Variants in OPA1 observed in about 807,000 individuals in gnomAD.
OPA1 encodes the protein dynamin-like GTPase OPA1, mitochondrial.
Under a neutral mutation model 152.9 loss-of-function variants are expected in OPA1, and 59 were observed. The ratio of observed to expected loss-of-function variants is 0.39; its 90% CI spans 0.31 to 0.48. The LOEUF is 0.48. Ranked by LOEUF, OPA1 falls within the 20% of genes least tolerant of loss-of-function variation. OPA1 has a pLI of 0.96. For synonymous variants in OPA1, 400 were observed against 389.9 expected (o/e 1.03, Z -0.31); for missense variants, 1,008 against 1,216.8 (o/e 0.83, Z 2.55).
chr3:193,626,958 G>A (rs1464600809), intron 7 of OPA1, among the ~76,000 whole-genome samples: 3 of 152,084 alleles, frequency 2.0e-5, no homozygotes, highest in Non-Finnish European at 4.4e-5. Context: ...GTTCATGTTT[G>A]GAAGAGACTT....
At chr3:193,667,399 G>A (rs115528092) in intron 29 of OPA1, 119 bp downstream of exon 29, 18,349 of 720,926 alleles carry the variant, frequency 0.025, 310 homozygotes, top group Non-Finnish European at 0.029. Flanking sequence ...GGCTGAGCAC[G>A]GTGGCTCACG....
At position 193,695,179 on chromosome 3, in the gene OPA1, A is replaced by T. The variant is rs1722147814; in HGVS notation, c.*579A>T. The T allele has an allele frequency of 1.3e-5, 2 of 152,308 alleles. No individual in the cohort carries two copies. Among genetic ancestry groups the T allele is most frequent in the East Asian group, 3.9e-4 (2 of 5,184 alleles). 9.4% of individuals were successfully genotyped at this position (152,308 alleles called of 1,614,324 possible). ...GAACCCTTAAAACAGGTTAATTTGG[A>T]TTGTAACGTTCAGTGAAAGAAATTT... is the stretch of plus-strand genomic sequence containing the variant. On this transcript the variant is annotated 3_prime_UTR_variant, in exon 31 of 31. Coordinates refer to ENST00000361510, the MANE Select transcript of OPA1 (RefSeq NM_130837.3).
chr3:193,636,576 A>G (rs1732985457), intron 9 of OPA1, among the ~76,000 whole-genome samples: 2 of 151,652 alleles, frequency 1.3e-5, no homozygotes, highest in South Asian at 4.2e-4. Context: ...CATTCATCAA[A>G]TTTACATGAA....
At chr3:193,608,816 CATT>C (rs1727698627) in intron 1 of OPA1, among the ~76,000 whole-genome samples, 1 of 151,948 alleles carries the variant, frequency 6.6e-6, no homozygotes, top group Non-Finnish European at 1.5e-5. Context: ...TAAAGTCTCC[CATT>C]ATTGTTGTGT....
chr3:193,642,240 C>G (rs937794852), intron 11 of OPA1, among the ~76,000 whole-genome samples: 2 of 152,306 alleles, frequency 1.3e-5, no homozygotes, highest in African/African-American at 2.4e-5. Context: ...TTTTGTCACT[C>G]TCTTCTATTA....
At chr3:193,625,928 A>G in intron 6 of OPA1, 164 bp from the exon 7 acceptor site, 1 of 626,960 alleles carries the variant, frequency 1.6e-6, no homozygotes, top group Non-Finnish European at 2.9e-6. Context: ...GGAAAATGGA[A>G]ATGCGGTACA....
intron 1 of OPA1, among the ~76,000 whole-genome samples, chr3:193,604,390 A>T (rs1726906105): frequency 6.6e-6 from 1 of 152,198 alleles, no homozygotes; most frequent in East Asian, 1.9e-4. Flanking sequence ...ACAGTGGTGA[A>T]GCTATTAAGG....
chr3:193,674,937 A>G (rs1366438409), intron 29 of OPA1, among the ~76,000 whole-genome samples: 1 of 152,224 alleles, frequency 6.6e-6, no homozygotes, highest in Non-Finnish European at 1.5e-5. Context: ...AAAGCTACAC[A>G]GGTGATTCTT....
chr3:193,604,884 A>G (rs1387125831), intron 1 of OPA1, among the ~76,000 whole-genome samples: 1 of 151,836 alleles, frequency 6.6e-6, no homozygotes, highest in Non-Finnish European at 1.5e-5. Context: ...AAGAAAAAAG[A>G]AAAGAAAAAA....
chr3:193,614,767 G>A lies in OPA1; in HGVS notation c.77G>A (p.Gly26Glu), dbSNP rs1473275837. 1 of 1,614,068 alleles carries A rather than the reference G, an allele frequency of 6.2e-7. No homozygotes were observed. The change falls in exon 2 of 31, where the codon GGA becomes GAA. Residue 26 changes from glycine to glutamate, a missense_variant. Coordinates refer to ENST00000361510, the MANE Select transcript of OPA1 (RefSeq NM_130837.3). ...SLVKHSSGIK[G>E]SLPLQKLHLV... ...GTGAAACACAGCTCTGGAATAAAAG[G>A]AAGTTTACCACTACAAAAACTACAT...
At chr3:193,606,556 G>A (rs1456735348) in intron 1 of OPA1, among the ~76,000 whole-genome samples, 1 of 152,038 alleles carries the variant, frequency 6.6e-6, no homozygotes, top group Non-Finnish European at 1.5e-5. Context: ...TGAGAATGAT[G>A]GTTTCCAGCT....
chr3:193,683,679 C>T (rs561204423), intron 29 of OPA1, among the ~76,000 whole-genome samples: 37 of 152,326 alleles, frequency 2.4e-4, no homozygotes, highest in African/African-American at 6.5e-4. Context: ...GGGCCAGACC[C>T]TCCACCAGCA....
chr3:193,648,037 G>A (rs1370949434), intron 19 of OPA1, 33 bp from the exon 20 acceptor site: 4 of 1,490,564 alleles, frequency 2.7e-6, no homozygotes, highest in Non-Finnish European at 3.7e-6. Context: ...AAGAAGGAGG[G>A]TCATCAAACT....
intron 6 of OPA1, among the ~76,000 whole-genome samples, chr3:193,624,884 T>A (rs547451670): frequency 6.8e-6 from 1 of 147,862 alleles, no homozygotes; most frequent in Admixed American, 6.6e-5. Context: ...TGGGCAGTCA[T>A]TTTTTAACTC....
At chr3:193,671,296 G>GA (rs1717863225) in intron 29 of OPA1, among the ~76,000 whole-genome samples, 2 of 152,252 alleles carry the variant, frequency 1.3e-5, no homozygotes, top group South Asian at 4.1e-4. Context: ...GAAGACTCCT[G>GA]AAGTACTTCT....
At chr3:193,620,921 C>A (rs1729936278) in intron 6 of OPA1, among the ~76,000 whole-genome samples, 1 of 152,210 alleles carries the variant, frequency 6.6e-6, no homozygotes, top group Non-Finnish European at 1.5e-5. Flanking sequence ...GAGACCTTAG[C>A]TTAGCAGTAC....
chr3:193,689,149 A>G (rs1721345284), intron 29 of OPA1: 3 of 152,364 alleles, frequency 2.0e-5, no homozygotes, highest in African/African-American at 7.2e-5. Flanking sequence ...ATAGCAGAGT[A>G]AGCCAGGAAT....
At position 193,667,249 on chromosome 3, in the gene OPA1, T is replaced by C. The variant is rs1716779262; in HGVS notation, c.2952T>C (p.Thr984=). The change falls in exon 29 of 31, where the codon ACT becomes ACC. Residue 984 remains threonine, a synonymous_variant. Coordinates refer to ENST00000361510, the MANE Select transcript of OPA1 (RefSeq NM_130837.3). ...EDGEKKIKLL[T]GKRVQLAEDL... is the part of the protein sequence containing the mutation. ...GTGAGAAGAAGATTAAATTGCTTACTGGTAAACGCGTTCAACTGGCGGAAG... is the reference window on the plus strand; with the variant it reads ...GTGAGAAGAAGATTAAATTGCTTACCGGTAAACGCGTTCAACTGGCGGAAG... The C allele has an allele frequency of 1.3e-6, 2 of 1,598,692 alleles. No homozygotes were observed. Among genetic ancestry groups the C allele is most frequent in the East Asian group, 2.2e-5 (1 of 44,810 alleles).
At chr3:193,648,892 T>G in intron 21 of OPA1, 21 bp downstream of exon 21, 1 of 1,472,392 alleles carries the variant, frequency 6.8e-7, no homozygotes, top group Non-Finnish European at 9.5e-7. Flanking sequence ...GATATTAATC[T>G]CTTTTCTGAA....
Sources: gnomAD v4.1 joint callset for allele counts (sites outside exome capture counted in the v4.1 genomes callset) on GRCh38, gnomAD v4.1.1 for gene constraint, MANE v1.5 for transcripts, NCBI Gene and HGNC (gene_info 2026-07-23, HGNC 2026-07-21) for gene names.